The following EGFR variants were observed in gnomAD, a reference collection of about 807,000 sequenced individuals.
EGFR encodes epidermal growth factor receptor.
Under a neutral mutation model 143.0 loss-of-function variants are expected in EGFR, and 58 were observed. The observed-to-expected ratio is 0.41, with a 90% CI of 0.33 to 0.50. The LOEUF (loss-of-function observed/expected upper bound fraction) is 0.50. EGFR is among the 20% of genes least tolerant of loss of function. The pLI, the probability that EGFR is intolerant of heterozygous loss-of-function variation, is 0.39. For synonymous variants in EGFR, 613 were observed against 594.4 expected (o/e 1.03, Z -0.45); for missense variants, 1,307 against 1,579.0 (o/e 0.83, Z 2.92).
chr7:55,180,110 C>G (rs1786793047), intron 19 of EGFR: 1 of 152,368 alleles, frequency 6.6e-6, no homozygotes, highest in Non-Finnish European at 1.5e-5. Context: ...GAGCAGCACC[C>G]TATCTCAGAG....
chr7:55,133,470 C>T (rs1294466364), intron 1 of EGFR, among the ~76,000 whole-genome samples: 3 of 152,224 alleles, frequency 2.0e-5, no homozygotes, highest in Admixed American at 2.0e-4. Flanking sequence ...TGACTTTGAA[C>T]AAAGAGCTGG....
intron 1 of EGFR, among the ~76,000 whole-genome samples, chr7:55,105,502 G>C (rs1358606839): frequency 6.6e-6 from 1 of 152,202 alleles, no homozygotes; most frequent in Non-Finnish European, 1.5e-5. Flanking sequence ...AAGAGAACCA[G>C]GCTCTAGTAG....
chr7:55,044,322 A>G (rs886232284), intron 1 of EGFR, among the ~76,000 whole-genome samples: 4 of 152,214 alleles, frequency 2.6e-5, no homozygotes, highest in Non-Finnish European at 5.9e-5. Flanking sequence ...AGTGTGTTTA[A>G]TAGTTTGAAT....
chr7:55,130,455 C>T (rs1047192685), intron 1 of EGFR, among the ~76,000 whole-genome samples: 4 of 152,226 alleles, frequency 2.6e-5, no homozygotes, highest in South Asian at 2.1e-4. Context: ...TCCTTGTCAA[C>T]GACCCCAGGA....
At chr7:55,204,054 A>G (rs1367703667) in intron 27 of EGFR, among the ~76,000 whole-genome samples, 10 of 151,682 alleles carry the variant, frequency 6.6e-5, no homozygotes, top group Admixed American at 6.6e-4. Context: ...TTTATTGGCT[A>G]TCTAATATAA....
intron 1 of EGFR, among the ~76,000 whole-genome samples, chr7:55,092,563 AC>A (rs1167591188): frequency 6.6e-6 from 1 of 152,120 alleles, no homozygotes; most frequent in Non-Finnish European, 1.5e-5. Flanking sequence ...CATTCCCTAG[AC>A]CTCTTTTCTA....
At chr7:55,193,095 G>A (rs1584259053) in intron 22 of EGFR, among the ~76,000 whole-genome samples, 1 of 152,148 alleles carries the variant, frequency 6.6e-6, no homozygotes, top group African/African-American at 2.4e-5. Flanking sequence ...GAGGGAAAGA[G>A]CTTAGGAAAC....
At chr7:55,019,954 A>C (rs1197948637) in intron 1 of EGFR, among the ~76,000 whole-genome samples, 1 of 152,128 alleles carries the variant, frequency 6.6e-6, no homozygotes, top group Non-Finnish European at 1.5e-5. Context: ...CTCAAACTGA[A>C]GCCGGCGCCC....
chr7:55,071,654 T>C (rs1789838145), intron 1 of EGFR, among the ~76,000 whole-genome samples: 2 of 152,242 alleles, frequency 1.3e-5, no homozygotes, highest in African/African-American at 2.4e-5. Flanking sequence ...TGTGCCTGCG[T>C]AGGCACACGC....
Position 55,173,022 on chromosome 7 carries a change from C to T in EGFR, c.1959C>T (p.Ala653=), listed in dbSNP as rs2128952468. ...CCATCGCCACTGGGATGGTGGGGGC[C>T]CTCCTCTTGCTGCTGGTGGTGGCCC... ...IPSIATGMVG[A]LLLLLVVALG... Residue 653 remains alanine, a synonymous_variant, in exon 17 of 28, where the codon GCC becomes GCT. Coordinates refer to ENST00000275493, the MANE Select transcript of EGFR (RefSeq NM_005228.5). The T allele has an allele frequency of 6.2e-7, 1 of 1,614,128 alleles. No homozygotes were observed. Among genetic ancestry groups the T allele is most frequent in the Middle Eastern group, 1.6e-4 (1 of 6,062 alleles).
At chr7:55,076,843 C>T (rs1336745065) in intron 1 of EGFR, among the ~76,000 whole-genome samples, 2 of 152,082 alleles carry the variant, frequency 1.3e-5, no homozygotes, top group African/African-American at 2.4e-5. Flanking sequence ...TTCATAATGC[C>T]TGCCACTCCA....
chr7:55,059,615 C>A (rs895257805), intron 1 of EGFR, among the ~76,000 whole-genome samples: 3 of 152,080 alleles, frequency 2.0e-5, no homozygotes, highest in Non-Finnish European at 4.4e-5. Flanking sequence ...CCTCCTTCCC[C>A]ACCTGCTCAC....
At chr7:55,107,228 C>A (rs1403405481) in intron 1 of EGFR, among the ~76,000 whole-genome samples, 1 of 152,128 alleles carries the variant, frequency 6.6e-6, no homozygotes, top group Non-Finnish European at 1.5e-5. Context: ...CCTTCTTTCC[C>A]TCCCCAGTTT....
At chr7:55,125,511 T>C (rs1045395792) in intron 1 of EGFR, among the ~76,000 whole-genome samples, 1 of 152,226 alleles carries the variant, frequency 6.6e-6, no homozygotes, top group African/African-American at 2.4e-5. Flanking sequence ...GCTCCTCCCA[T>C]AAAGCAAACA....
At chr7:55,046,846 C>T (rs1562666683) in intron 1 of EGFR, among the ~76,000 whole-genome samples, 1 of 152,136 alleles carries the variant, frequency 6.6e-6, no homozygotes, top group Non-Finnish European at 1.5e-5. Flanking sequence ...TTGGAAGGGA[C>T]ATTCAGACCA....
Position 55,165,271 on chromosome 7 carries a change from T to C in EGFR, c.1723-9T>C, listed in dbSNP as rs774991454. Reference sequence around the variant, plus strand: ...ACATGCATGAACATTTTTCTCCACCTTGGTGCAGGGACCAGACAACTGTAT... The same window carrying C: ...ACATGCATGAACATTTTTCTCCACCCTGGTGCAGGGACCAGACAACTGTAT... On this transcript the variant is annotated splice_polypyrimidine_tract_variant and intron_variant, in intron 14 of 27. Transcript: ENST00000275493. 1 of 1,614,138 alleles carries C rather than the reference T, an allele frequency of 6.2e-7. No homozygotes were observed.
chr7:55,101,850 T>C (rs192952485), intron 1 of EGFR, among the ~76,000 whole-genome samples: 3 of 152,318 alleles, frequency 2.0e-5, no homozygotes, highest in African/African-American at 7.2e-5. Context: ...TTCTAGGATT[T>C]TCTAAGGTTG....
chr7:55,170,708 C>T (rs1346479760), intron 15 of EGFR: 6 of 1,527,522 alleles, frequency 3.9e-6, no homozygotes, highest in Non-Finnish European at 5.2e-6. Context: ...CAGGACTGAC[C>T]TCTTCCTCCT....
At chr7:55,019,559 G>C (rs1786398611) in intron 1 of EGFR, among the ~76,000 whole-genome samples, 194 bp downstream of exon 1, 1 of 152,124 alleles carries the variant, frequency 6.6e-6, no homozygotes, top group Admixed American at 6.5e-5. Context: ...GGCCGGGAGA[G>C]TCTGGGGCGG....
Sources: allele counts gnomAD v4.1 joint callset (sites outside exome capture counted in the v4.1 genomes callset), GRCh38; gene constraint gnomAD v4.1.1; transcripts MANE v1.5; gene names NCBI Gene and HGNC (gene_info 2026-07-23, HGNC 2026-07-21).